The following CCNB3 variants were observed in gnomAD, a reference collection of about 807,000 sequenced individuals.
CCNB3 encodes the protein cyclin B3, also known as G2/mitotic-specific cyclin-B3.
Under a neutral mutation model 68.0 loss-of-function variants are expected in CCNB3, and 12 were observed. The observed-to-expected ratio is 0.18, with a 90% CI of 0.11 to 0.29. The LOEUF is 0.29. CCNB3 is among the 10% of genes least tolerant of loss of function. The probability of loss-of-function intolerance (pLI) is 1.00; values close to 1 mark genes in which losing one functional copy is unlikely to be tolerated. For missense variants in CCNB3, 904 were observed against 993.1 expected (o/e 0.91, Z 1.21); for synonymous variants, 354 against 388.9 (o/e 0.91, Z 1.06).
intron 8 of CCNB3, among the ~76,000 whole-genome samples, chrX:50,318,494 T>C (rs1402391729): frequency 2.7e-5 from 3 of 111,420 alleles, no homozygotes; most frequent in African/African-American, 9.8e-5. Flanking sequence ...GCCTGGGCGA[T>C]AGAGCGAGAC....
intron 6 of CCNB3, 83 bp downstream of exon 6, chrX:50,311,579 T>TG (rs1921456963): frequency 1.4e-6 from 1 of 727,957 alleles, no homozygotes; most frequent in African/African-American, 2.5e-5. Flanking sequence ...TGTTTTTTTT[T>TG]TTTTGTTTTT....
chrX:50,228,499 C>A (rs1429210812), intron 1 of CCNB3, among the ~76,000 whole-genome samples: 2 of 86,561 alleles, frequency 2.3e-5, no homozygotes, highest in Non-Finnish European at 4.4e-5. Context: ...GAGGATATAT[C>A]TACATAGAAT....
intron 8 of CCNB3, among the ~76,000 whole-genome samples, chrX:50,330,677 T>C (rs1224860024): frequency 9.0e-6 from 1 of 111,428 alleles, no homozygotes; most frequent in Non-Finnish European, 1.9e-5. Context: ...ATTATAAGAG[T>C]TTTAAATCCT....
Position 50,292,320 on chromosome X carries a change from C to CT in CCNB3, c.205-2534dup, listed in dbSNP as rs1158234595. Among the ~76,000 whole-genome samples the CT allele has an allele frequency of 1.8e-3, 190 of 108,035 alleles. 1 individual carries two copies. Among genetic ancestry groups the CT allele is most frequent in the East Asian group, 8.7e-4 (3 of 3,451 alleles). The allele number at this position is 108,035 out of a possible 115,157, so 93.8% of individuals were successfully genotyped here. A position where few individuals can be genotyped will look rare whatever the true frequency, so the allele number is the denominator to read the frequency against. ...TCTTAACCTGGAACATTTCCATAGC[C>CT]TTTTTTTTTAATGACGTTGCCATTT... On this transcript the variant is annotated intron_variant, in intron 4 of 12. Transcript: ENST00000376042.
chrX:50,311,294 A>G lies in CCNB3; in HGVS notation c.3125A>G (p.Asp1042Gly). The G allele has an allele frequency of 8.3e-7, 1 of 1,211,409 alleles. No homozygotes were observed. The highest frequency in any genetic ancestry group is 3.0e-5 in the East Asian group (1 of 33,812). ...CAAGAGAGTCCCACCTGCAAGGAAG[A>G]CACCTTTCTGGAAACATTCTTGATC... is the stretch of plus-strand genomic sequence containing the variant. Reference protein sequence around the residue: ...ALQESPTCKEDTFLETFLIPQ... With the variant: ...ALQESPTCKEGTFLETFLIPQ... The change falls in exon 6 of 13, where the codon GAC becomes GGC. Residue 1042 changes from aspartate (D) to glycine (G), a missense_variant. Transcript: ENST00000376042.
At chrX:50,205,598 G>T (rs1408754732) in intron 1 of CCNB3, among the ~76,000 whole-genome samples, 4 of 112,471 alleles carry the variant, frequency 3.6e-5, no homozygotes, top group Non-Finnish European at 7.5e-5. Context: ...AGGTTGCAGT[G>T]AGCCAAGATG....
At chrX:50,337,874 A>G (rs782117576) in intron 8 of CCNB3, among the ~76,000 whole-genome samples, 2 of 112,299 alleles carry the variant, frequency 1.8e-5, no homozygotes, top group African/African-American at 3.2e-5. Context: ...AAACCAAAGT[A>G]TCAAGTAATC....
intron 1 of CCNB3, among the ~76,000 whole-genome samples, chrX:50,284,042 T>C (rs1316796782): frequency 9.0e-6 from 1 of 111,237 alleles, no homozygotes; most frequent in Non-Finnish European, 1.9e-5. Context: ...TCTATCAAAA[T>C]ACTTCAGGAA....
intron 8 of CCNB3, among the ~76,000 whole-genome samples, chrX:50,322,750 C>T (rs1254319621): frequency 8.1e-5 from 9 of 111,385 alleles, no homozygotes; most frequent in Non-Finnish European, 1.3e-4. Context: ...CATCAAAAAG[C>T]GGGCAAAGGA....
intron 1 of CCNB3, among the ~76,000 whole-genome samples, chrX:50,228,365 T>A (rs2147003063): frequency 1.1e-5 from 1 of 93,154 alleles, no homozygotes; most frequent in Non-Finnish European, 2.1e-5. Flanking sequence ...AAGATATATA[T>A]ACATAATATA....
chrX:50,210,043 A>T (rs1935458586), intron 1 of CCNB3, among the ~76,000 whole-genome samples: 1 of 112,163 alleles, frequency 8.9e-6, no homozygotes, highest in Non-Finnish European at 1.9e-5. Context: ...CTTTTGCAAG[A>T]TTATGGAAAT....
At chrX:50,346,840 A>C in intron 10 of CCNB3, 33 bp downstream of exon 10, 2 of 1,185,852 alleles carry the variant, frequency 1.7e-6, no homozygotes, top group Non-Finnish European at 2.3e-6. Flanking sequence ...TCATTCTCCC[A>C]CTGCTGAGTT....
chrX:50,314,347 G>C (rs1447167674), intron 8 of CCNB3, among the ~76,000 whole-genome samples: 1 of 111,565 alleles, frequency 9.0e-6, no homozygotes, highest in Admixed American at 9.5e-5. Context: ...TGTGGCACAG[G>C]ACATGGCAGG....
At chrX:50,325,842 A>T (rs192846266) in intron 8 of CCNB3, among the ~76,000 whole-genome samples, 5 of 111,532 alleles carry the variant, frequency 4.5e-5, no homozygotes, top group Admixed American at 3.8e-4. Context: ...GGTAACAACT[A>T]TAAATTGTTT....
chrX:50,226,585 C>T (rs1380881168), intron 1 of CCNB3, among the ~76,000 whole-genome samples: 2 of 13,998 alleles, frequency 1.4e-4, no homozygotes, highest in African/African-American at 6.1e-4. Context: ...AGAATACATA[C>T]AAATATATAT....
intron 1 of CCNB3, among the ~76,000 whole-genome samples, chrX:50,227,171 A>G (rs1452845764): frequency 1.2e-3 from 98 of 83,174 alleles, no homozygotes; most frequent in African/African-American, 4.2e-3. Flanking sequence ...GAATATATAT[A>G]TAGAATATAA....
intron 1 of CCNB3, among the ~76,000 whole-genome samples, chrX:50,217,700 C>A (rs1935601545): frequency 8.9e-6 from 1 of 111,960 alleles, no homozygotes; most frequent in African/African-American, 3.2e-5. Context: ...GATGAGAAAT[C>A]TACTGTTATT....
intron 1 of CCNB3, among the ~76,000 whole-genome samples, chrX:50,227,140 A>AAT (rs1422313579): frequency 0.021 from 1,765 of 82,311 alleles, 60 homozygotes; most frequent in African/African-American, 0.082. Context: ...AAATATATAG[A>AAT]ATATATATAC....
intron 1 of CCNB3, among the ~76,000 whole-genome samples, chrX:50,279,734 GATTAT>G (rs2082841886): frequency 1.1e-5 from 1 of 88,055 alleles, no homozygotes; most frequent in African/African-American, 4.2e-5. Context: ...AAATATATAT[GATTAT>G]GTATATTCAT....
Sources: allele counts gnomAD v4.1 joint callset (sites outside exome capture counted in the v4.1 genomes callset), GRCh38; gene constraint gnomAD v4.1.1; transcripts MANE v1.5; gene names NCBI Gene and HGNC (gene_info 2026-07-23, HGNC 2026-07-21).